The following NFIB variants were observed in gnomAD, a reference collection of about 807,000 sequenced individuals.
NFIB encodes the protein nuclear factor I B.
In NFIB, 11 loss-of-function variants were observed where a neutral mutation model predicts 61.5. That is an observed-to-expected ratio of 0.18 (90% confidence interval 0.11 to 0.30). The LOEUF is 0.30. Ranked by LOEUF, NFIB falls within the 10% of genes least tolerant of loss-of-function variation. NFIB has a pLI of 1.00. For synonymous variants in NFIB, 260 were observed against 216.5 expected (o/e 1.20, Z -1.76); for missense variants, 471 against 608.9 (o/e 0.77, Z 2.38).
At chr9:14,370,253 G>T (rs754469473) in intron 1 of NFIB, among the ~76,000 whole-genome samples, 4 of 152,006 alleles carry the variant, frequency 2.6e-5, no homozygotes, top group Non-Finnish European at 5.9e-5. Flanking sequence ...CTCCCTCTTC[G>T]CATTTATCAT....
intron 4 of NFIB, among the ~76,000 whole-genome samples, chr9:14,150,923 A>G (rs753827657): frequency 3.3e-5 from 5 of 152,172 alleles, no homozygotes; most frequent in African/African-American, 4.8e-5. Flanking sequence ...TTATCAAAAT[A>G]TCTCATGATA....
intron 1 of NFIB, chr9:14,358,038 T>A (rs1031997638): frequency 6.6e-6 from 1 of 152,146 alleles, no homozygotes; most frequent in Non-Finnish European, 1.5e-5. Context: ...AGTTTCTTTT[T>A]AGGTTGATTA....
intron 1 of NFIB, among the ~76,000 whole-genome samples, chr9:14,344,300 G>A (rs949390425): frequency 1.2e-4 from 18 of 151,936 alleles, no homozygotes; most frequent in African/African-American, 4.1e-4. Context: ...GTGCGAGAGT[G>A]GGGTGAGAGA....
At chr9:14,252,103 T>C (rs2055696956) in intron 2 of NFIB, among the ~76,000 whole-genome samples, 1 of 152,214 alleles carries the variant, frequency 6.6e-6, no homozygotes, top group Admixed American at 6.5e-5. Context: ...CCCTTATCTT[T>C]CGGTGAGAGA....
intron 3 of NFIB, among the ~76,000 whole-genome samples, chr9:14,160,480 C>T (rs2044028948): frequency 6.6e-6 from 1 of 151,996 alleles, no homozygotes; most frequent in Admixed American, 6.6e-5. Flanking sequence ...TTCATGAAAG[C>T]CGTCTTCAAG....
intron 1 of NFIB, among the ~76,000 whole-genome samples, chr9:14,360,070 T>G (rs370360770): frequency 2.6e-5 from 4 of 152,230 alleles, no homozygotes; most frequent in African/African-American, 9.6e-5. Context: ...TAAATACATA[T>G]AGTTGTTATC....
intron 2 of NFIB, among the ~76,000 whole-genome samples, chr9:14,275,123 G>C (rs1182541930): frequency 4.6e-5 from 7 of 152,152 alleles, no homozygotes; most frequent in Non-Finnish European, 8.8e-5. Context: ...TATTCAACGG[G>C]CTTCAGTTGG....
chr9:14,410,613 T>G, the NFIB span, among the ~76,000 whole-genome samples: 580 of 152,288 alleles, frequency 3.8e-3, 8 homozygotes, highest in Middle Eastern at 0.044. Flanking sequence ...TTGAGAGTGA[T>G]TCAGAGAAAA....
chr9:14,315,242 A>G (rs2060486756), upstream of NFIB, among the ~76,000 whole-genome samples: 1 of 151,208 alleles, frequency 6.6e-6, no homozygotes, highest in African/African-American at 2.4e-5. Flanking sequence ...TCTGCCCACC[A>G]GGGGCCCGCA....
At position 14,236,855 on chromosome 9, in the gene NFIB, A is replaced by T. The variant is rs188950947; in HGVS notation, c.563-57075T>A. 3.3e-3 allele frequency among the ~76,000 whole-genome samples: 503 copies of T among 152,074 alleles called. 2 individuals carry two copies. Among genetic ancestry groups the T allele is most frequent in the Non-Finnish European group, 4.8e-3 (323 of 67,978 alleles). ...GTTTAATTTTGGCTTCTCTTTAAAA[A>T]AAAAAAAATAAAAACACAAAAAAGC... On this transcript the variant is annotated intron_variant, in intron 2 of 10. Coordinates refer to ENST00000380953, the MANE Select transcript of NFIB (RefSeq NM_001190737.2).
intron 2 of NFIB, chr9:14,204,759 C>T (rs1179131532): frequency 1.1e-5 from 6 of 539,882 alleles, no homozygotes; most frequent in South Asian, 2.0e-5. Flanking sequence ...TTCCTGCCTG[C>T]CCTGTGTCGT....
the NFIB span, among the ~76,000 whole-genome samples, chr9:14,420,223 G>C: frequency 6.6e-6 from 1 of 152,094 alleles, no homozygotes; most frequent in African/African-American, 2.4e-5. Flanking sequence ...GAGAAGGGCA[G>C]ATCACTTGAG....
At chr9:14,154,722 G>A (rs1397172012) in intron 4 of NFIB, among the ~76,000 whole-genome samples, 4 of 152,082 alleles carry the variant, frequency 2.6e-5, no homozygotes, top group African/African-American at 9.7e-5. Context: ...AACTACTTAA[G>A]ATCTTAAACG....
intron 2 of NFIB, among the ~76,000 whole-genome samples, chr9:14,195,824 TAGAC>T (rs1334604412): frequency 6.6e-6 from 1 of 151,842 alleles, no homozygotes; most frequent in Non-Finnish European, 1.5e-5. Flanking sequence ...ATTGCAAACA[TAGAC>T]AAAGGAATCT....
chr9:14,303,279 C>A (rs1199584241), intron 2 of NFIB, among the ~76,000 whole-genome samples: 1 of 152,286 alleles, frequency 6.6e-6, no homozygotes, highest in South Asian at 2.1e-4. Context: ...CATATCATTA[C>A]GTTAGGTTTG....
intron 5 of NFIB, 116 bp from the exon 6 acceptor site, chr9:14,146,923 A>G: frequency 7.5e-7 from 1 of 1,331,554 alleles, no homozygotes; most frequent in South Asian, 1.3e-5. Context: ...ACAAGTAATA[A>G]TGGTGAGTAT....
At chr9:14,223,494 AT>A (rs544513022) in intron 2 of NFIB, among the ~76,000 whole-genome samples, 241 of 152,076 alleles carry the variant, frequency 1.6e-3, no homozygotes, top group Non-Finnish European at 2.1e-3. Context: ...TAGCATTCCA[AT>A]TTTTTTTAGG....
chr9:14,086,105 G>GT lies in NFIB; in HGVS notation c.*2203dup. 1 of 225,746 alleles carries GT rather than the reference G, an allele frequency of 4.4e-6. No homozygotes were observed. Among genetic ancestry groups the GT allele is most frequent in the Non-Finnish European group, 8.9e-6 (1 of 112,928 alleles). The allele number at this position is 225,746 out of a possible 1,614,324, so 14.0% of individuals were successfully genotyped here. A position where few individuals can be genotyped will look rare whatever the true frequency, so the allele number is the denominator to read the frequency against. On this transcript the variant is annotated 3_prime_UTR_variant, in exon 11 of 11. Transcript: ENST00000380953. ...GTAATGAGTTCAGCTTGCAACCCAG[G>GT]TGGGAAGTTAGAGAGGGGAACCTGT...
intron 2 of NFIB, among the ~76,000 whole-genome samples, chr9:14,277,318 C>T (rs1367579220): frequency 7.1e-6 from 1 of 141,694 alleles, no homozygotes; most frequent in African/African-American, 2.7e-5. Context: ...CATGTGCACC[C>T]GCGCACACAC....
Sources: gnomAD v4.1 joint callset for allele counts (sites outside exome capture counted in the v4.1 genomes callset) on GRCh38, gnomAD v4.1.1 for gene constraint, MANE v1.5 for transcripts, NCBI Gene and HGNC (gene_info 2026-07-23, HGNC 2026-07-21) for gene names.